The following EXOC6B variants were observed in gnomAD, a reference collection of about 807,000 sequenced individuals.
EXOC6B encodes SEC15 homolog B.
EXOC6B carries 54 observed loss-of-function variants against 113.5 expected under a neutral mutation model. The observed-to-expected ratio is 0.48, with a 90% confidence interval of 0.38 to 0.60. EXOC6B has a LOEUF of 0.60. Ranked by LOEUF, EXOC6B falls within the 20% of genes least tolerant of loss-of-function variation. The pLI is 0.00. For missense variants in EXOC6B, 797 were observed against 977.5 expected (o/e 0.82, Z 2.46); for synonymous variants, 357 against 339.0 (o/e 1.05, Z -0.58).
chr2:72,261,634 T>C lies in EXOC6B; in HGVS notation c.2196+73313A>G, dbSNP rs868071942. Among the ~76,000 whole-genome samples, 11 of 152,234 alleles carry C rather than the reference T, an allele frequency of 7.2e-5. No individual in the cohort carries two copies. The East Asian group carries it at 7.7e-4, about 11-fold the overall frequency. On this transcript the variant is annotated intron_variant, in intron 20 of 21. Coordinates refer to ENST00000272427, the MANE Select transcript of EXOC6B (RefSeq NM_015189.3). ...CTATTGTCAAGTTTTTTCTCTTATA[T>C]TGAGGCTGCTTTCCTTTAACTTCCA...
At chr2:72,180,947 C>T (rs932995412) in intron 21 of EXOC6B, among the ~76,000 whole-genome samples, 7 of 152,248 alleles carry the variant, frequency 4.6e-5, no homozygotes, top group East Asian at 1.9e-4. Flanking sequence ...CGGTAGCTCA[C>T]GCCTGTAATC....
chr2:72,657,629 T>C (rs373159464), intron 6 of EXOC6B, among the ~76,000 whole-genome samples: 13 of 131,338 alleles, frequency 9.9e-5, no homozygotes, highest in African/African-American at 3.2e-4. Context: ...GGCTGGAATA[T>C]GGGTAGGACA....
At chr2:72,689,880 G>T (rs955620058) in intron 6 of EXOC6B, among the ~76,000 whole-genome samples, 1 of 152,176 alleles carries the variant, frequency 6.6e-6, no homozygotes, top group African/African-American at 2.4e-5. Context: ...AATATCCAGT[G>T]GAGTATTGCT....
chr2:72,631,461 TAGAGAGAGAG>T (rs372313608), intron 6 of EXOC6B, among the ~76,000 whole-genome samples: 131 of 9,592 alleles, frequency 0.014, no homozygotes, highest in Admixed American at 0.017. Context: ...TATATATATA[TAGAGAGAGAG>T]AGAGAGAGAG....
chr2:72,188,255 C>A (rs1287757374), intron 20 of EXOC6B, among the ~76,000 whole-genome samples: 1 of 152,204 alleles, frequency 6.6e-6, no homozygotes, highest in Non-Finnish European at 1.5e-5. Flanking sequence ...TTTAGGGCAG[C>A]CACTATCATC....
intron 6 of EXOC6B, among the ~76,000 whole-genome samples, chr2:72,618,966 T>A (rs1042960799): frequency 2.6e-5 from 4 of 152,326 alleles, no homozygotes; most frequent in Admixed American, 2.6e-4. Flanking sequence ...GGAATTAGCA[T>A]GTGACTTAAT....
chr2:72,225,843 GAC>G (rs1681203672), intron 20 of EXOC6B, among the ~76,000 whole-genome samples: 1 of 152,062 alleles, frequency 6.6e-6, no homozygotes, highest in South Asian at 2.1e-4. Flanking sequence ...TATAAAAAAT[GAC>G]ACAGTGAATA....
Position 72,456,093 on chromosome 2 carries a change from C to G in EXOC6B, c.1980+9067G>C, listed in dbSNP as rs1452866297. Among the ~76,000 whole-genome samples, 5 of 151,568 alleles carry G rather than the reference C, an allele frequency of 3.3e-5. No homozygotes were observed. In the East Asian group the frequency reaches 9.6e-4, roughly 29 times the overall value. On this transcript the variant is annotated intron_variant, in intron 18 of 21. Coordinates refer to ENST00000272427, the MANE Select transcript of EXOC6B (RefSeq NM_015189.3). ...ACTGTCCGTATATCATAGAGGTTGC[C>G]CTTTTGAAAAAAGAAATGGGATAAT...
At chr2:72,772,518 G>T (rs568451217) in intron 1 of EXOC6B, among the ~76,000 whole-genome samples, 12 of 152,110 alleles carry the variant, frequency 7.9e-5, no homozygotes, top group Non-Finnish European at 1.5e-4. Flanking sequence ...AGTCATTGTG[G>T]ATCCAAGCTT....
intron 6 of EXOC6B, among the ~76,000 whole-genome samples, chr2:72,664,000 C>T (rs1250630957): frequency 2.0e-5 from 3 of 151,944 alleles, no homozygotes; most frequent in Non-Finnish European, 2.9e-5. Context: ...TTTCTGTAAA[C>T]CTAAAACCAT....
At chr2:72,330,022 G>A (rs1688339290) in intron 20 of EXOC6B, among the ~76,000 whole-genome samples, 1 of 152,074 alleles carries the variant, frequency 6.6e-6, no homozygotes, top group Non-Finnish European at 1.5e-5. Context: ...TGCTGTATGA[G>A]AGTCGTTGCC....
At chr2:72,358,993 G>A (rs1488112776) in intron 19 of EXOC6B, among the ~76,000 whole-genome samples, 4 of 152,130 alleles carry the variant, frequency 2.6e-5, no homozygotes, top group Admixed American at 6.5e-5. Flanking sequence ...TATTATTAAA[G>A]TACCATATGG....
At chr2:72,520,998 A>G (rs1293740047) in intron 8 of EXOC6B, among the ~76,000 whole-genome samples, 1 of 152,182 alleles carries the variant, frequency 6.6e-6, no homozygotes, top group Non-Finnish European at 1.5e-5. Context: ...AGGGTTGCCA[A>G]CTGCTATGGT....
At position 72,409,413 on chromosome 2, in the gene EXOC6B, C is replaced by T. The variant is rs552921333; in HGVS notation, c.1981-29543G>A. 5.3e-5 allele frequency among the ~76,000 whole-genome samples: 8 copies of T among 152,216 alleles called. No individual in the cohort carries two copies. In the South Asian group the frequency reaches 1.2e-3, roughly 24 times the overall value. On this transcript the variant is annotated intron_variant, in intron 18 of 21. Coordinates refer to ENST00000272427, the MANE Select transcript of EXOC6B (RefSeq NM_015189.3). ...AATCATGCTGCTATAAAGACACATG[C>T]CCATGTATGTTTATTGCGGTACTAT... is the stretch of plus-strand genomic sequence containing the variant.
intron 19 of EXOC6B, among the ~76,000 whole-genome samples, chr2:72,364,393 T>A (rs1291033085): frequency 6.6e-6 from 1 of 151,988 alleles, no homozygotes; most frequent in Non-Finnish European, 1.5e-5. Flanking sequence ...GGAAAAAAAA[T>A]TTCACTGCTG....
At chr2:72,256,790 A>T (rs10205108) in intron 20 of EXOC6B, among the ~76,000 whole-genome samples, 7 of 152,024 alleles carry the variant, frequency 4.6e-5, no homozygotes, top group African/African-American at 1.7e-4. Context: ...TGGGAATCAC[A>T]GAGCTAGATG....
chr2:72,326,589 T>C (rs565651124), intron 20 of EXOC6B, among the ~76,000 whole-genome samples: 1 of 152,164 alleles, frequency 6.6e-6, no homozygotes, highest in South Asian at 2.1e-4. Context: ...CTGACTTTGC[T>C]GTGAGGCTAT....
At chr2:72,638,575 C>T (rs1404653650) in intron 6 of EXOC6B, among the ~76,000 whole-genome samples, 1 of 152,128 alleles carries the variant, frequency 6.6e-6, no homozygotes, top group Non-Finnish European at 1.5e-5. Context: ...TCGTTCCTGG[C>T]CCACAATAGC....
chr2:72,429,738 CA>C (rs2105293350), intron 18 of EXOC6B, among the ~76,000 whole-genome samples: 1 of 152,222 alleles, frequency 6.6e-6, no homozygotes, highest in Non-Finnish European at 1.5e-5. Context: ...ATGTAGAGGC[CA>C]GGAATGCAGC....
Sources: allele counts gnomAD v4.1 joint callset (sites outside exome capture counted in the v4.1 genomes callset), GRCh38; gene constraint gnomAD v4.1.1; transcripts MANE v1.5; gene names NCBI Gene and HGNC (gene_info 2026-07-23, HGNC 2026-07-21).